Variants in CRLF2 observed in about 807,000 individuals in gnomAD.
CRLF2 encodes the protein cytokine receptor like factor 2, also known as cytokine receptor-like factor 2.
A neutral mutation model predicts 38.7 loss-of-function variants in CRLF2; 41 were observed. That is an observed-to-expected ratio of 1.06 (90% CI 0.83 to 1.37). The LOEUF is 1.37. Among genes scored for constraint, CRLF2 ranks in the 40% most tolerant of loss-of-function variants. CRLF2 has a pLI of 0.00. For missense variants in CRLF2, 377 were observed against 322.2 expected, an observed-to-expected ratio of 1.17 and a Z score of -1.30; for synonymous variants, 140 against 128.8, an observed-to-expected ratio of 1.09 and a Z score of -0.59.
rs1354353259 is a variant in CRLF2, at chrX:1,198,856, T to C, written c.484-132A>G. The C allele has an allele frequency of 2.3e-5, 21 of 909,116 alleles. No individual in the cohort carries two copies. In the African/African-American group the frequency reaches 2.9e-4, roughly 13 times the overall value. The allele number at this position is 909,116 out of a possible 1,614,324, so 56.3% of individuals were successfully genotyped here. A position where few individuals can be genotyped will look rare whatever the true frequency, so the allele number is the denominator to read the frequency against. On this transcript the variant is annotated intron_variant, in intron 4 of 7. Transcript: ENST00000400841. ...TTCACAGTCTCGCTGACTTCAAGAA[T>C]GGAGCCGCGAGGCCGGACACAGTGG... is the stretch of plus-strand genomic sequence containing the variant.
At chrX:1,202,647 GTGTCT>G in intron 3 of CRLF2, 112 bp from the exon 4 acceptor site, 1 of 1,253,764 alleles carries the variant, frequency 8.0e-7, no homozygotes, top group Non-Finnish European at 1.2e-6. Flanking sequence ...ATACCTTATG[GTGTCT>G]CGGGGTTCAC....
rs751585683 is a variant in CRLF2 at position 1,198,670 on chromosome X, A to G, written c.538T>C (p.Cys180Arg). Residue 180 changes from cysteine to arginine, a missense_variant, in exon 5 of 8, where the codon TGT becomes CGT. By Grantham distance (180) the Cys-to-Arg change is radical. Coordinates refer to ENST00000400841, the MANE Select transcript of CRLF2 (RefSeq NM_022148.4). ...TTCACCCTGACCCAGAAAGAGTAAC[A>G]CTTCTCGGCATCCAAGCCTTCTATG... Reference protein sequence around the residue: ...VTIEGLDAEKCYSFWVRVKAM... With the variant: ...VTIEGLDAEKRYSFWVRVKAM... 5.0e-6 allele frequency: 8 copies of G among 1,613,178 alleles called. No individual in the cohort carries two copies. In the South Asian group the frequency reaches 5.5e-5, roughly 11 times the overall value.
intron 6 of CRLF2, among the ~76,000 whole-genome samples, chrX:1,193,891 G>A (rs2086436873): frequency 6.6e-6 from 1 of 151,934 alleles, no homozygotes; most frequent in African/African-American, 2.4e-5. Flanking sequence ...AACCTGGGAG[G>A]CAGAGGTTGC....
chrX:1,193,781 CAA>C (rs1176813644), intron 6 of CRLF2, among the ~76,000 whole-genome samples: 14,723 of 58,440 alleles, frequency 0.25, 1,125 homozygotes, highest in Admixed American at 0.31. Context: ...GACTCCATCT[CAA>C]AAAAAAAAAA....
chrX:1,197,173 A>G (rs367824445), intron 5 of CRLF2, among the ~76,000 whole-genome samples: 1 of 144,862 alleles, frequency 6.9e-6, no homozygotes, highest in Non-Finnish European at 1.5e-5. Context: ...GCTCACTGCA[A>G]CCTCCGTCTC....
chrX:1,191,603 C>G (rs2086382076), intron 7 of CRLF2, among the ~76,000 whole-genome samples: 1 of 151,428 alleles, frequency 6.6e-6, no homozygotes, highest in Non-Finnish European at 1.5e-5. Flanking sequence ...GTGATCTCGG[C>G]TGACTGCAGC....
intron 1 of CRLF2, among the ~76,000 whole-genome samples, chrX:1,209,990 G>C (rs2086766185): frequency 6.6e-6 from 1 of 151,598 alleles, no homozygotes; most frequent in African/African-American, 2.4e-5. Context: ...TGTAATCCCA[G>C]CTACCTGGGA....
intron 4 of CRLF2, 65 bp downstream of exon 4, chrX:1,202,337 T>A: frequency 6.3e-7 from 1 of 1,598,734 alleles, no homozygotes; most frequent in Non-Finnish European, 8.6e-7. Context: ...AAACAGCGAA[T>A]CCCACAGCCC....
intron 1 of CRLF2, among the ~76,000 whole-genome samples, chrX:1,211,253 A>ATGGG (rs2086792348): frequency 7.0e-6 from 1 of 142,972 alleles, no homozygotes; most frequent in African/African-American, 2.7e-5. Context: ...GGGTGGATGG[A>ATGGG]TGGGTGGATG....
intron 1 of CRLF2, among the ~76,000 whole-genome samples, chrX:1,211,638 T>A (rs769267703): frequency 1.3e-4 from 14 of 107,984 alleles, no homozygotes; most frequent in African/African-American, 6.0e-4. Context: ...GATGGGTGGA[T>A]GGATGGATGG....
intron 3 of CRLF2, among the ~76,000 whole-genome samples, chrX:1,204,308 A>G (rs2086656917): frequency 1.3e-5 from 2 of 152,036 alleles, no homozygotes; most frequent in African/African-American, 2.4e-5. Flanking sequence ...GGCTCACCAC[A>G]AACTCCGCCT....
chrX:1,197,109 T>TTTTC (rs1465758596), intron 5 of CRLF2, among the ~76,000 whole-genome samples: 1 of 149,696 alleles, frequency 6.7e-6, no homozygotes, highest in African/African-American at 2.5e-5. Context: ...TTTTTTTTTT[T>TTTTC]TGAGACAGAA....
chrX:1,201,870 A>G (rs181847881), intron 4 of CRLF2, among the ~76,000 whole-genome samples: 1 of 152,118 alleles, frequency 6.6e-6, no homozygotes, highest in Non-Finnish European at 1.5e-5. Context: ...TAGAAGATTG[A>G]CCATACATAG....
intron 1 of CRLF2, among the ~76,000 whole-genome samples, chrX:1,210,841 G>C (rs1338850077): frequency 1.3e-5 from 2 of 152,142 alleles, no homozygotes; most frequent in Non-Finnish European, 2.9e-5. Context: ...TGGACAGGTG[G>C]GTGTATAGGT....
At chrX:1,207,228 G>A (rs1351285595) in intron 2 of CRLF2, among the ~76,000 whole-genome samples, 2 of 151,478 alleles carry the variant, frequency 1.3e-5, no homozygotes, top group African/African-American at 4.9e-5. Context: ...TTACAGGCGT[G>A]AGCCACCGCG....
At position 1,206,495 on chromosome X, in the gene CRLF2, T is replaced by C. The variant is rs751445698; in HGVS notation, c.287A>G (p.Tyr96Cys). The part of the protein sequence containing the change: ...LDAEQRDDIL[Y>C]FSIRNGTHPV... ...GTGCGTCCCATTCCTGATGGAGAAATAGAGAATGTCGTCTCGCTGCTCTGC... is the reference window on the plus strand; with the variant it reads ...GTGCGTCCCATTCCTGATGGAGAAACAGAGAATGTCGTCTCGCTGCTCTGC... The change falls in exon 3 of 8, where the codon TAT becomes TGT. Residue 96 changes from tyrosine to cysteine, a missense_variant. By Grantham distance (194) the Tyr-to-Cys change is radical. Coordinates refer to ENST00000400841, the MANE Select transcript of CRLF2 (RefSeq NM_022148.4). 18 of 1,613,422 alleles carry C rather than the reference T, an allele frequency of 1.1e-5. No homozygotes were observed. The Admixed American group carries it at 1.3e-4, about 12-fold the overall frequency.
intron 2 of CRLF2, among the ~76,000 whole-genome samples, chrX:1,208,430 G>T (rs1381270362): frequency 6.6e-6 from 1 of 152,016 alleles, no homozygotes; most frequent in African/African-American, 2.4e-5. Context: ...ATGGTGGCAG[G>T]TGCCTGTAAT....
At chrX:1,202,815 C>T (rs2086631674) in intron 3 of CRLF2, among the ~76,000 whole-genome samples, 1 of 151,948 alleles carries the variant, frequency 6.6e-6, no homozygotes, top group African/African-American at 2.4e-5. Flanking sequence ...ATGTTAAAAT[C>T]CCAACTCCCC....
intron 1 of CRLF2, among the ~76,000 whole-genome samples, chrX:1,211,257 GTGGA>G (rs772836935): frequency 0.015 from 1,625 of 107,676 alleles, 37 homozygotes; most frequent in African/African-American, 0.043. Context: ...GGATGGATGG[GTGGA>G]TGGATGGATG....
Sources: allele counts gnomAD v4.1 joint callset (sites outside exome capture counted in the v4.1 genomes callset), GRCh38; gene constraint gnomAD v4.1.1; transcripts MANE v1.5; gene names NCBI Gene and HGNC (gene_info 2026-07-23, HGNC 2026-07-21).